The following SPOCK3 variants were observed in gnomAD, a reference collection of about 807,000 sequenced individuals.
The protein encoded by SPOCK3 is testican-3.
A neutral mutation model predicts 56.6 loss-of-function variants in SPOCK3; 30 were observed. The ratio of observed to expected loss-of-function variants is 0.53; its 90% CI spans 0.40 to 0.72. The LOEUF (loss-of-function observed/expected upper bound fraction) is 0.72, where lower values mean the gene tolerates loss of function less well. Ranked by LOEUF, SPOCK3 falls within the 30% of genes least tolerant of loss-of-function variation. The pLI is 0.00. For synonymous variants in SPOCK3, 196 were observed against 183.3 expected, an observed-to-expected ratio of 1.07 and a Z score of -0.56; for missense variants, 527 against 530.0, an observed-to-expected ratio of 0.99 and a Z score of 0.06.
At chr4:166,766,805 A>G (rs1316546189) in intron 7 of SPOCK3, among the ~76,000 whole-genome samples, 1 of 152,128 alleles carries the variant, frequency 6.6e-6, no homozygotes, top group Non-Finnish European at 1.5e-5. Context: ...TTGGCTGTGA[A>G]TCCATCTGGT....
rs147232218 is a variant in SPOCK3, at chr4:167,076,931, T to C, written c.190-14394A>G. 1.8e-4 allele frequency among the ~76,000 whole-genome samples: 28 copies of C among 151,992 alleles called. No homozygotes were observed. In the East Asian group the frequency reaches 5.3e-3, roughly 29 times the overall value. On this transcript the variant is annotated intron_variant, in intron 2 of 10. Coordinates refer to ENST00000357545, the MANE Select transcript of SPOCK3 (RefSeq NM_001040159.2). ...TTAGAAACATACCAATAAATATACG[T>C]TTACTATAATTCAGTCAAGTCTGCA...
In SPOCK3 at chr4:167,221,038, G is replaced by A. The variant is rs945400824; in HGVS notation, c.189+12947C>T. ...AAGAAAATAGACAGTCAATGTGACC[G>A]TTTAAAAGGACCAACTTTATGTCAA... On this transcript the variant is annotated intron_variant, in intron 2 of 10. Coordinates refer to ENST00000357545, the MANE Select transcript of SPOCK3 (RefSeq NM_001040159.2). Among the ~76,000 whole-genome samples the A allele has an allele frequency of 4.5e-4, 68 of 151,912 alleles. 1 individual carries two copies. The highest frequency in any genetic ancestry group is 1.9e-3 in the East Asian group (10 of 5,180).
intron 2 of SPOCK3, among the ~76,000 whole-genome samples, chr4:167,180,517 C>T (rs963113112): frequency 2.0e-5 from 3 of 152,114 alleles, no homozygotes; most frequent in Non-Finnish European, 4.4e-5. Flanking sequence ...AGAGAGGTTA[C>T]GTTTCTATAA....
intron 8 of SPOCK3, among the ~76,000 whole-genome samples, chr4:166,751,788 A>C (rs1349326612): frequency 6.6e-6 from 1 of 152,164 alleles, no homozygotes; most frequent in South Asian, 2.1e-4. Context: ...CTTTTATGAA[A>C]GCACATTCTT....
chr4:166,963,779 G>A (rs1329840704), intron 4 of SPOCK3, among the ~76,000 whole-genome samples: 1 of 151,858 alleles, frequency 6.6e-6, no homozygotes, highest in Admixed American at 6.6e-5. Context: ...GTGTTGGCAT[G>A]ATTTGCAACT....
chr4:167,202,211 T>A (rs532698054), intron 2 of SPOCK3, among the ~76,000 whole-genome samples: 1 of 152,106 alleles, frequency 6.6e-6, no homozygotes, highest in South Asian at 2.1e-4. Flanking sequence ...CTTGAAACAA[T>A]GTAATTTTCA....
chr4:167,159,754 G>C (rs1765123390), intron 2 of SPOCK3, among the ~76,000 whole-genome samples: 1 of 152,116 alleles, frequency 6.6e-6, no homozygotes, highest in African/African-American at 2.4e-5. Flanking sequence ...ATCAATAAAT[G>C]TAATCCAGCA....
At chr4:167,104,441 A>G (rs763392508) in intron 2 of SPOCK3, among the ~76,000 whole-genome samples, 5 of 152,178 alleles carry the variant, frequency 3.3e-5, no homozygotes, top group African/African-American at 9.6e-5. Flanking sequence ...TGCAATTGCC[A>G]TACTGAACAA....
intron 6 of SPOCK3, among the ~76,000 whole-genome samples, chr4:166,852,986 A>G (rs982608977): frequency 6.6e-6 from 1 of 152,198 alleles, no homozygotes; most frequent in Non-Finnish European, 1.5e-5. Flanking sequence ...GACTAGATGT[A>G]AGCAGCTTTC....
At chr4:166,848,360 A>G (rs912735204) in intron 6 of SPOCK3, among the ~76,000 whole-genome samples, 38 of 152,344 alleles carry the variant, frequency 2.5e-4, no homozygotes, top group African/African-American at 7.7e-4. Context: ...TACCTCTGTC[A>G]GGGTTTCCAG....
At chr4:166,932,172 A>G (rs1739864233) in intron 4 of SPOCK3, among the ~76,000 whole-genome samples, 1 of 152,218 alleles carries the variant, frequency 6.6e-6, no homozygotes, top group South Asian at 2.1e-4. Context: ...ATTTAACTTA[A>G]CAATGTTCAG....
chr4:166,749,766 A>C (rs1736135330), intron 8 of SPOCK3, among the ~76,000 whole-genome samples: 1 of 152,110 alleles, frequency 6.6e-6, no homozygotes, highest in Non-Finnish European at 1.5e-5. Flanking sequence ...TATTCCTGAT[A>C]ATCTTCTGAG....
chr4:167,151,478 AGGCTGGAG>A (rs1764417121), intron 2 of SPOCK3, among the ~76,000 whole-genome samples: 1 of 140,484 alleles, frequency 7.1e-6, no homozygotes, highest in Non-Finnish European at 1.5e-5. Context: ...TCTGTTGCCC[AGGCTGGAG>A]TGCAGTGGCA....
intron 4 of SPOCK3, among the ~76,000 whole-genome samples, chr4:166,917,544 T>A (rs1386794247): frequency 1.3e-5 from 2 of 152,114 alleles, no homozygotes; most frequent in African/African-American, 4.8e-5. Flanking sequence ...AGAATTATTT[T>A]TTCAAAAAAA....
chr4:167,121,882 CTAT>C (rs1307776939), intron 2 of SPOCK3, among the ~76,000 whole-genome samples: 1 of 152,014 alleles, frequency 6.6e-6, no homozygotes, highest in African/African-American at 2.4e-5. Flanking sequence ...TTTAATAAAA[CTAT>C]TATAAGTGTC....
chr4:166,792,055 A>G, intron 7 of SPOCK3, 115 bp downstream of exon 7: 1 of 1,175,512 alleles, frequency 8.5e-7, no homozygotes, highest in Non-Finnish European at 1.2e-6. Flanking sequence ...TCTGATTTTT[A>G]TTCAGTATAT....
intron 2 of SPOCK3, among the ~76,000 whole-genome samples, chr4:167,117,295 T>A (rs192039992): frequency 6.6e-6 from 1 of 152,236 alleles, no homozygotes; most frequent in East Asian, 1.9e-4. Flanking sequence ...TGGGCTGGTA[T>A]GAGGGAGTAG....
At chr4:167,179,026 T>C (rs1324889769) in intron 2 of SPOCK3, among the ~76,000 whole-genome samples, 1 of 152,152 alleles carries the variant, frequency 6.6e-6, no homozygotes, top group East Asian at 1.9e-4. Context: ...AGAATTATTT[T>C]TGGGATTTCC....
chr4:166,928,949 T>C (rs10023402), intron 4 of SPOCK3, among the ~76,000 whole-genome samples: 32,713 of 151,828 alleles, frequency 0.22, 3,765 homozygotes, highest in South Asian at 0.28. Context: ...GCCTGGGCGA[T>C]AGAGTGAGAC....
Sources: gnomAD v4.1 joint callset for allele counts (sites outside exome capture counted in the v4.1 genomes callset) on GRCh38, gnomAD v4.1.1 for gene constraint, MANE v1.5 for transcripts, NCBI Gene and HGNC (gene_info 2026-07-23, HGNC 2026-07-21) for gene names.